PMEPA1: variants seen among roughly 807,000 people sequenced by gnomAD.
The protein encoded by PMEPA1 is protein TMEPAI.
Under a neutral mutation model 23.0 loss-of-function variants are expected in PMEPA1, and 11 were observed. The observed-to-expected ratio is 0.48, with a 90% CI of 0.30 to 0.79. PMEPA1 has a LOEUF of 0.79. Among genes scored for constraint, PMEPA1 ranks in the 30% least tolerant of loss-of-function variants. The probability of loss-of-function intolerance (pLI) is 0.06; values close to 1 mark genes in which losing one functional copy is unlikely to be tolerated. For missense variants in PMEPA1, 377 were observed against 390.9 expected (o/e 0.96, Z 0.30); for synonymous variants, 204 against 166.4 (o/e 1.23, Z -1.74).
At chr20:57,666,682 T>C (rs2071497453) in intron 1 of PMEPA1, among the ~76,000 whole-genome samples, 1 of 152,210 alleles carries the variant, frequency 6.6e-6, no homozygotes, top group South Asian at 2.1e-4. Flanking sequence ...CTGGTATTCA[T>C]GGCCTGTGGT....
chr20:57,680,160 C>A (rs1600653177), intron 1 of PMEPA1, among the ~76,000 whole-genome samples: 1 of 152,202 alleles, frequency 6.6e-6, no homozygotes, highest in East Asian at 1.9e-4. Flanking sequence ...CTCAGACACA[C>A]CAGCGGGGAG....
At chr20:57,678,801 G>A (rs541266600) in intron 1 of PMEPA1, among the ~76,000 whole-genome samples, 37 of 152,218 alleles carry the variant, frequency 2.4e-4, no homozygotes, top group Admixed American at 5.2e-4. Context: ...TCTTAAAGGT[G>A]ACAAGAGCCA....
rs958489313 is a variant in PMEPA1, at chr20:57,649,303, G to T, written c.*2750C>A. On this transcript the variant is annotated 3_prime_UTR_variant, in exon 4 of 4. Coordinates refer to ENST00000341744, the MANE Select transcript of PMEPA1 (RefSeq NM_020182.5). ...AGGGTGCACCCTCAGCAGAGAAGCCGAGAGCTTAACTCTGGTCGTTTCCAG... is the reference window on the plus strand; with the variant it reads ...AGGGTGCACCCTCAGCAGAGAAGCCTAGAGCTTAACTCTGGTCGTTTCCAG... The T allele has an allele frequency of 6.6e-6, 1 of 152,164 alleles. No homozygotes were observed. Among genetic ancestry groups the T allele is most frequent in the Non-Finnish European group, 1.5e-5 (1 of 68,052 alleles). 9.4% of individuals were successfully genotyped at this position (152,164 alleles called of 1,614,324 possible). A position where few individuals can be genotyped will look rare whatever the true frequency, so the allele number is the denominator to read the frequency against.
intron 1 of PMEPA1, among the ~76,000 whole-genome samples, chr20:57,672,043 TGAG>T (rs1367055548): frequency 6.6e-6 from 1 of 152,162 alleles, no homozygotes; most frequent in East Asian, 1.9e-4. Context: ...ATAGCAAAAA[TGAG>T]GATAAAAAAT....
chr20:57,654,117 T>C (rs2071292547), intron 2 of PMEPA1, among the ~76,000 whole-genome samples: 1 of 152,212 alleles, frequency 6.6e-6, no homozygotes. Flanking sequence ...TTATGCCATC[T>C]GCTCTGAGGA....
At chr20:57,653,453 C>T (rs1197991779) in intron 2 of PMEPA1, among the ~76,000 whole-genome samples, 1 of 152,262 alleles carries the variant, frequency 6.6e-6, no homozygotes, top group African/African-American at 2.4e-5. Context: ...GGCCCCACTC[C>T]CCTGGGCCTG....
chr20:57,679,572 G>A (rs889957605), intron 1 of PMEPA1, among the ~76,000 whole-genome samples: 12 of 152,218 alleles, frequency 7.9e-5, no homozygotes, highest in Non-Finnish European at 1.3e-4. Flanking sequence ...GACCTGCAGG[G>A]AATGGACTTA....
chr20:57,674,435 G>A (rs2071609310), intron 1 of PMEPA1, among the ~76,000 whole-genome samples: 1 of 152,236 alleles, frequency 6.6e-6, no homozygotes, highest in Admixed American at 6.5e-5. Context: ...TACTGTCTAA[G>A]CCACACAGTC....
intron 1 of PMEPA1, among the ~76,000 whole-genome samples, chr20:57,684,738 T>A: frequency 6.6e-6 from 1 of 152,160 alleles, no homozygotes; most frequent in East Asian, 1.9e-4. Flanking sequence ...ATTTTCATCC[T>A]TAAGAAGCCA....
intron 1 of PMEPA1, among the ~76,000 whole-genome samples, chr20:57,681,680 G>A (rs1009838698): frequency 1.3e-5 from 2 of 152,246 alleles, no homozygotes; most frequent in Non-Finnish European, 2.9e-5. Context: ...TACAAAACTC[G>A]ATTCTCTGTG....
intron 1 of PMEPA1, among the ~76,000 whole-genome samples, chr20:57,680,182 C>T (rs1249671786): frequency 6.6e-6 from 1 of 152,250 alleles, no homozygotes; most frequent in Non-Finnish European, 1.5e-5. Flanking sequence ...GCTGCAGCCA[C>T]TCCAGCTTTA....
chr20:57,703,851 A>G (rs1012170501), intron 1 of PMEPA1, among the ~76,000 whole-genome samples: 2 of 152,036 alleles, frequency 1.3e-5, no homozygotes, highest in African/African-American at 4.8e-5. Context: ...CTATGAACAC[A>G]CAGCTGCTCC....
chr20:57,702,469 G>A (rs566708419), intron 1 of PMEPA1, among the ~76,000 whole-genome samples: 10 of 152,298 alleles, frequency 6.6e-5, no homozygotes, highest in African/African-American at 2.4e-4. Context: ...GAGCAGAATG[G>A]ACCCAATTGC....
In PMEPA1 at chr20:57,683,434, A is replaced by G. The variant is rs546537659; in HGVS notation, c.110-23737T>C. ...GCATCTGCCAGCCTGAGGATCCAAT[A>G]TTTAATAGCCCATCCTTCAGGAACA... On this transcript the variant is annotated intron_variant, in intron 1 of 3. Transcript: ENST00000341744. The surrounding 1 kb of genome is among the most constrained non-coding windows in gnomAD (Gnocchi z 4.3). 6.6e-6 allele frequency among the ~76,000 whole-genome samples: 1 copy of G among 152,176 alleles called. No individual in the cohort carries two copies. The highest frequency in any genetic ancestry group is 2.4e-5 in the African/African-American group (1 of 41,510).
At chr20:57,705,585 A>C (rs1421481992) in intron 1 of PMEPA1, among the ~76,000 whole-genome samples, 1 of 152,232 alleles carries the variant, frequency 6.6e-6, no homozygotes, top group Non-Finnish European at 1.5e-5. Context: ...TCTTTCCTTC[A>C]TGGCACACAA....
In PMEPA1 at chr20:57,690,909, T is replaced by C. The variant is rs542013368; in HGVS notation, c.109+18565A>G. 2.6e-5 allele frequency among the ~76,000 whole-genome samples: 4 copies of C among 152,312 alleles called. No individual in the cohort carries two copies. In the South Asian group the frequency reaches 8.3e-4, roughly 32 times the overall value. ...AGCTCACATCCGAGGAAAGAACTAC[T>C]GCGCCTGATAAACGCTGATGCCTCT... On this transcript the variant is annotated intron_variant, in intron 1 of 3. Coordinates refer to ENST00000341744, the MANE Select transcript of PMEPA1 (RefSeq NM_020182.5).
chr20:57,683,554 C>CGTGTGCGTGTGT lies in PMEPA1; in HGVS notation c.110-23858_110-23857insACACACGCACAC, dbSNP rs2071752594. Among the ~76,000 whole-genome samples the CGTGTGCGTGTGT allele has an allele frequency of 4.7e-5, 5 of 106,310 alleles. No homozygotes were observed. Among genetic ancestry groups the CGTGTGCGTGTGT allele is most frequent in the African/African-American group, 1.3e-4 (5 of 38,130 alleles). The allele number at this position is 106,310 out of a possible 152,430, so 69.7% of individuals were successfully genotyped here. A position where few individuals can be genotyped will look rare whatever the true frequency, so the allele number is the denominator to read the frequency against. ...CGGTGGTGGTGTTCTGGCCTGTGTGCGTGTGTGTGTGTGTGTGTGTGTGTG... is the reference window on the plus strand; with the variant it reads ...CGGTGGTGGTGTTCTGGCCTGTGTGCGTGTGCGTGTGTGTGTGTGTGTGTGTGTGTGTGTGTG... On this transcript the variant is annotated intron_variant, in intron 1 of 3. Coordinates refer to ENST00000341744, the MANE Select transcript of PMEPA1 (RefSeq NM_020182.5). This position sits in a 1 kb window ranked among gnomAD's most constrained non-coding sequence, Gnocchi z 4.3.
At chr20:57,658,310 C>T (rs773345775) in intron 2 of PMEPA1, among the ~76,000 whole-genome samples, 1 of 152,184 alleles carries the variant, frequency 6.6e-6, no homozygotes, top group Non-Finnish European at 1.5e-5. Context: ...CACACTCCCG[C>T]GCCCACTTCA....
intron 1 of PMEPA1, among the ~76,000 whole-genome samples, chr20:57,685,670 G>A (rs1025110670): frequency 6.6e-6 from 1 of 152,090 alleles, no homozygotes; most frequent in African/African-American, 2.4e-5. Flanking sequence ...CCTCCAGGTC[G>A]CTCTTAAAAT....
Sources: allele counts gnomAD v4.1 joint callset (sites outside exome capture counted in the v4.1 genomes callset), GRCh38; gene constraint gnomAD v4.1.1; non-coding constraint Gnocchi (gnomAD v3.1); transcripts MANE v1.5; gene names NCBI Gene and HGNC (gene_info 2026-07-23, HGNC 2026-07-21).